Variants in NOL4 observed in about 807,000 individuals in gnomAD.
NOL4 encodes the protein nucleolar protein 4.
Under a neutral mutation model 75.9 loss-of-function variants are expected in NOL4, and 17 were observed. The ratio of observed to expected loss-of-function variants is 0.22; its 90% CI spans 0.15 to 0.34. The LOEUF (loss-of-function observed/expected upper bound fraction) is 0.34, where lower values mean the gene tolerates loss of function less well. NOL4 is among the 10% of genes least tolerant of loss of function. The pLI is 1.00. For synonymous variants in NOL4, 292 were observed against 289.9 expected, an observed-to-expected ratio of 1.01 and a Z score of -0.07; for missense variants, 614 against 793.5, an observed-to-expected ratio of 0.77 and a Z score of 2.72.
At chr18:33,866,776 G>C (rs75086709) in intron 10 of NOL4, among the ~76,000 whole-genome samples, 3,090 of 152,256 alleles carry the variant, frequency 0.02, 50 homozygotes, top group Middle Eastern at 0.051. Context: ...CTGCAGGAGA[G>C]AGAAGAGTTA....
chr18:33,900,768 T>G (rs2065700723), intron 9 of NOL4, among the ~76,000 whole-genome samples: 1 of 152,204 alleles, frequency 6.6e-6, no homozygotes, highest in African/African-American at 2.4e-5. Context: ...AGCTATCTTT[T>G]AGAGGCCAGC....
chr18:34,045,935 A>T (rs1285388020), intron 5 of NOL4, among the ~76,000 whole-genome samples: 2 of 152,146 alleles, frequency 1.3e-5, no homozygotes, highest in African/African-American at 4.8e-5. Context: ...TCAACCATCA[A>T]TCACAATGGG....
chr18:34,000,024 C>A (rs2073583752), intron 6 of NOL4, among the ~76,000 whole-genome samples: 2 of 152,060 alleles, frequency 1.3e-5, no homozygotes, highest in South Asian at 4.1e-4. Context: ...AAGCCACTAG[C>A]AAGTATTTGC....
intron 9 of NOL4, among the ~76,000 whole-genome samples, chr18:33,936,187 C>T (rs551280963): frequency 1.3e-5 from 2 of 152,110 alleles, no homozygotes; most frequent in South Asian, 2.1e-4. Context: ...TGCCCCCACG[C>T]TTACGTGGCT....
intron 6 of NOL4, among the ~76,000 whole-genome samples, chr18:33,991,512 C>T (rs191516001): frequency 6.6e-6 from 1 of 151,884 alleles, no homozygotes; most frequent in Non-Finnish European, 1.5e-5. Context: ...ATTATTTTTA[C>T]AGTGAAATGA....
intron 2 of NOL4, among the ~76,000 whole-genome samples, chr18:34,117,044 T>G (rs2079894461): frequency 6.6e-6 from 1 of 152,204 alleles, no homozygotes; most frequent in Admixed American, 6.5e-5. Flanking sequence ...ACATGACAAT[T>G]ACTAGTTTTG....
intron 1 of NOL4, among the ~76,000 whole-genome samples, chr18:34,218,930 C>A (rs1203361902): frequency 6.6e-6 from 1 of 152,154 alleles, no homozygotes; most frequent in Non-Finnish European, 1.5e-5. Context: ...GGTATTATTT[C>A]TTTCACTCTG....
rs2037481740 is a variant in NOL4 at position 34,224,005 on chromosome 18, GAATA to G, written c.-756_-753del. The G allele has an allele frequency of 6.6e-6, 1 of 152,242 alleles. No homozygotes were observed. 9.4% of individuals were successfully genotyped at this position (152,242 alleles called of 1,614,324 possible). A position where few individuals can be genotyped will look rare whatever the true frequency, so the allele number is the denominator to read the frequency against. ...AATGTCATTTCTTCAGATGCATTTT[GAATA>G]AATTCCAGCCCTGTATGTAGATTCT... is the stretch of plus-strand genomic sequence containing the variant. On this transcript the variant is annotated 5_prime_UTR_variant, in exon 1 of 11. Coordinates refer to ENST00000261592, the MANE Select transcript of NOL4 (RefSeq NM_003787.5).
intron 1 of NOL4, among the ~76,000 whole-genome samples, chr18:34,139,256 C>T (rs867577404): frequency 1.3e-5 from 2 of 152,100 alleles, no homozygotes; most frequent in African/African-American, 2.4e-5. Context: ...GGAATGGTAC[C>T]AGCTCCTCCT....
intron 5 of NOL4, among the ~76,000 whole-genome samples, chr18:34,086,894 A>G (rs997137849): frequency 5.9e-5 from 9 of 152,236 alleles, no homozygotes; most frequent in African/African-American, 2.2e-4. Flanking sequence ...CAATTGTCAT[A>G]ACTAAGAAAA....
chr18:34,049,842 G>A (rs1309619522), intron 5 of NOL4, among the ~76,000 whole-genome samples: 2 of 152,080 alleles, frequency 1.3e-5, no homozygotes, highest in African/African-American at 2.4e-5. Context: ...TCAGAGGTGT[G>A]AGAATCTATA....
At chr18:33,998,724 C>T (rs1011535002) in intron 6 of NOL4, among the ~76,000 whole-genome samples, 7 of 152,064 alleles carry the variant, frequency 4.6e-5, no homozygotes, top group Non-Finnish European at 1.0e-4. Context: ...GTCCACGTGA[C>T]AAGTGTTCAA....
chr18:34,074,932 T>C (rs1166516006), intron 5 of NOL4, among the ~76,000 whole-genome samples: 4 of 152,160 alleles, frequency 2.6e-5, no homozygotes, highest in Non-Finnish European at 5.9e-5. Flanking sequence ...GACTTGCTTA[T>C]TGCAATAGCC....
intron 1 of NOL4, chr18:34,222,128 C>T: frequency 6.5e-7 from 1 of 1,532,630 alleles, no homozygotes; most frequent in Non-Finnish European, 8.7e-7. Flanking sequence ...CTCCCCAGCC[C>T]CACTGGCTTC....
chr18:33,919,348 T>C (rs2066901844), intron 9 of NOL4, among the ~76,000 whole-genome samples: 1 of 152,090 alleles, frequency 6.6e-6, no homozygotes, highest in South Asian at 2.1e-4. Flanking sequence ...AGGTAAAAAT[T>C]GAGGGAAGGA....
intron 1 of NOL4, among the ~76,000 whole-genome samples, chr18:34,207,560 C>T (rs1219531728): frequency 6.6e-6 from 1 of 152,180 alleles, no homozygotes; most frequent in African/African-American, 2.4e-5. Context: ...TGCATATATT[C>T]TGCACATTCT....
intron 1 of NOL4, among the ~76,000 whole-genome samples, chr18:34,177,211 T>C (rs541531510): frequency 1.3e-5 from 2 of 152,000 alleles, no homozygotes; most frequent in South Asian, 4.1e-4. Context: ...ATTCTAGAAA[T>C]TGCAAACTAC....
intron 9 of NOL4, among the ~76,000 whole-genome samples, chr18:33,885,368 C>A (rs1473589873): frequency 1.3e-5 from 2 of 152,054 alleles, no homozygotes; most frequent in Non-Finnish European, 2.9e-5. Context: ...AGGATACAAT[C>A]AACAAAGTGA....
At chr18:33,882,140 C>G (rs1792988557) in intron 10 of NOL4, among the ~76,000 whole-genome samples, 1 of 152,154 alleles carries the variant, frequency 6.6e-6, no homozygotes, top group Non-Finnish European at 1.5e-5. Flanking sequence ...AGGACATAGG[C>G]ATGGACAAGG....
Sources: gnomAD v4.1 joint callset for allele counts (sites outside exome capture counted in the v4.1 genomes callset) on GRCh38, gnomAD v4.1.1 for gene constraint, MANE v1.5 for transcripts, NCBI Gene and HGNC (gene_info 2026-07-23, HGNC 2026-07-21) for gene names.